Variants in JADE2 observed in about 807,000 individuals in gnomAD.
The protein encoded by JADE2 is E3 ubiquitin-protein ligase Jade-2.
Under a neutral mutation model 85.7 loss-of-function variants are expected in JADE2, and 13 were observed. The ratio of observed to expected loss-of-function variants is 0.15; its 90% CI spans 0.10 to 0.24. The LOEUF is 0.24. Among genes scored for constraint, JADE2 ranks in the 10% least tolerant of loss-of-function variants. The pLI, the probability that JADE2 is intolerant of heterozygous loss-of-function variation, is 1.00. For synonymous variants in JADE2, 440 were observed against 456.1 expected (o/e 0.96, Z 0.45); for missense variants, 846 against 1,115.9 (o/e 0.76, Z 3.45).
intron 2 of JADE2, among the ~76,000 whole-genome samples, chr5:134,536,234 T>C (rs1351696544): frequency 1.3e-5 from 2 of 152,144 alleles, no homozygotes; most frequent in African/African-American, 4.8e-5. Context: ...AAGGTCCATA[T>C]AGAAAGTCTG....
At chr5:134,525,506 G>A (rs957530197), upstream of JADE2, among the ~76,000 whole-genome samples, 3 of 151,642 alleles carry the variant, frequency 2.0e-5, no homozygotes, top group East Asian at 5.8e-4. Flanking sequence ...GCGGGGGGTT[G>A]GGGGGGCGGC....
chr5:134,527,026 C>T (rs1760882968), intron 1 of JADE2, among the ~76,000 whole-genome samples: 1 of 152,226 alleles, frequency 6.6e-6, no homozygotes. Context: ...GGCCCTGCAC[C>T]ATGGGTGGTA....
intron 11 of JADE2, among the ~76,000 whole-genome samples, chr5:134,577,328 C>T (rs1270535947): frequency 1.3e-5 from 2 of 152,214 alleles, no homozygotes; most frequent in East Asian, 3.8e-4. Flanking sequence ...TGGAGCTGCC[C>T]AGAGGAGTGG....
chr5:134,530,132 A>G (rs972465308), intron 1 of JADE2, among the ~76,000 whole-genome samples: 2 of 152,228 alleles, frequency 1.3e-5, no homozygotes, highest in Non-Finnish European at 1.5e-5. Flanking sequence ...AGTTAATGAG[A>G]GATAGGAAAG....
chr5:134,543,007 A>G (rs917795148), intron 3 of JADE2, among the ~76,000 whole-genome samples: 2 of 149,198 alleles, frequency 1.3e-5, no homozygotes, highest in African/African-American at 2.5e-5. Flanking sequence ...GATTACAGGC[A>G]TGAGCCACCG....
chr5:134,528,386 C>T (rs886411479), intron 1 of JADE2, among the ~76,000 whole-genome samples: 1 of 152,156 alleles, frequency 6.6e-6, no homozygotes, highest in East Asian at 1.9e-4. Context: ...CTTGTCCCAT[C>T]TTCCTTAGAC....
intron 1 of JADE2, among the ~76,000 whole-genome samples, chr5:134,531,757 A>G (rs922324507): frequency 2.7e-5 from 4 of 150,816 alleles, no homozygotes; most frequent in Non-Finnish European, 5.9e-5. Flanking sequence ...TAATTTTTGT[A>G]TTTTTAGTAG....
intron 4 of JADE2, among the ~76,000 whole-genome samples, chr5:134,559,333 T>A (rs1327517765): frequency 6.6e-6 from 1 of 152,182 alleles, no homozygotes; most frequent in Non-Finnish European, 1.5e-5. Context: ...AACCCCTGCC[T>A]TGTCCGCAGC....
chr5:134,547,508 C>T (rs1431740920), intron 3 of JADE2, among the ~76,000 whole-genome samples: 3 of 152,228 alleles, frequency 2.0e-5, no homozygotes, highest in Non-Finnish European at 2.9e-5. Flanking sequence ...CAAGGCTTCT[C>T]GTTCATCAGT....
intron 1 of JADE2, chr5:134,526,692 T>C (rs1760848231): frequency 2.0e-6 from 2 of 985,220 alleles, no homozygotes; most frequent in South Asian, 4.7e-5. Flanking sequence ...CATGCTCGGC[T>C]CCTGGGGTTG....
At chr5:134,552,313 C>T (rs12163997) in intron 4 of JADE2, 104 bp downstream of exon 4, 143,730 of 984,854 alleles carry the variant, frequency 0.15, 11,800 homozygotes, top group Admixed American at 0.23. Flanking sequence ...CTTTCTAGTC[C>T]ATCTCTATTC....
chr5:134,555,945 C>T (rs553174123), intron 4 of JADE2, among the ~76,000 whole-genome samples: 7 of 152,292 alleles, frequency 4.6e-5, no homozygotes, highest in Non-Finnish European at 8.8e-5. Flanking sequence ...CGTGCCCCCT[C>T]GACCTTATAT....
chr5:134,541,609 C>T (rs115507722), intron 3 of JADE2, among the ~76,000 whole-genome samples: 25 of 152,274 alleles, frequency 1.6e-4, no homozygotes, highest in African/African-American at 4.8e-4. Flanking sequence ...GGAACACTTA[C>T]GGAGTGATGT....
chr5:134,535,621 T>C (rs753318070), intron 1 of JADE2, among the ~76,000 whole-genome samples: 46 of 151,556 alleles, frequency 3.0e-4, no homozygotes, highest in Admixed American at 5.9e-4. Flanking sequence ...GTTAGACCCT[T>C]GCTCAACCAA....
At position 134,560,025 on chromosome 5, in the gene JADE2, C is replaced by T. The variant is rs140822723; in HGVS notation, c.472+35C>T. The T allele has an allele frequency of 4.0e-4, 649 of 1,611,956 alleles. 4 individuals carry two copies. In the African/African-American group the frequency reaches 5.5e-3, roughly 14 times the overall value. ...CACTGCATTAAGAATGGGATCACGG[C>T]TGGGCAGGGAGGGTTTTCTCCCCAT... On this transcript the variant is annotated intron_variant, in intron 5 of 11. Transcript: ENST00000681547.
intron 9 of JADE2, among the ~76,000 whole-genome samples, chr5:134,569,637 C>G (rs950818264): frequency 1.3e-5 from 2 of 152,122 alleles, no homozygotes; most frequent in African/African-American, 4.8e-5. Context: ...TATTTGGGAG[C>G]CTGACCTGGC....
intron 6 of JADE2, among the ~76,000 whole-genome samples, chr5:134,561,902 A>G (rs544569432): frequency 2.6e-5 from 4 of 152,194 alleles, no homozygotes; most frequent in South Asian, 2.1e-4. Flanking sequence ...CCTTAAGTCT[A>G]TTGCTGGTTA....
rs1054443003 is a variant in JADE2, at chr5:134,579,478, CTG to C, written c.*163_*164del. The C allele has an allele frequency of 6.5e-6, 4 of 618,626 alleles. No individual in the cohort carries two copies. Among genetic ancestry groups the C allele is most frequent in the African/African-American group, 5.5e-5 (3 of 54,258 alleles). 38.3% of individuals were successfully genotyped at this position (618,626 alleles called of 1,614,324 possible). Reference sequence around the variant, plus strand: ...TATAGAGAGAGTTTTGAATTCTACACTGTTGTCTTTCCTCTGTGCTGGCCTAG... The same window carrying C: ...TATAGAGAGAGTTTTGAATTCTACACTTGTCTTTCCTCTGTGCTGGCCTAG... On this transcript the variant is annotated 3_prime_UTR_variant, in exon 12 of 12. Transcript: ENST00000681547. This position sits in a 1 kb window ranked among gnomAD's most constrained non-coding sequence, Gnocchi z 4.6.
At chr5:134,526,931 C>A (rs1052895308) in intron 1 of JADE2, among the ~76,000 whole-genome samples, 8 of 152,044 alleles carry the variant, frequency 5.3e-5, no homozygotes, top group African/African-American at 1.9e-4. Context: ...CGGCAGGGGG[C>A]GTGGCCCTTG....
Sources: allele counts gnomAD v4.1 joint callset (sites outside exome capture counted in the v4.1 genomes callset), GRCh38; gene constraint gnomAD v4.1.1; non-coding constraint Gnocchi (gnomAD v3.1); transcripts MANE v1.5; gene names NCBI Gene and HGNC (gene_info 2026-07-23, HGNC 2026-07-21).